Variants in NT5C2 observed in about 807,000 individuals in gnomAD.
The protein encoded by NT5C2 is cytosolic purine 5'-nucleotidase.
In NT5C2, 58 loss-of-function variants were observed where a neutral mutation model predicts 76.1. The observed-to-expected ratio is 0.76, with a 90% confidence interval of 0.62 to 0.95. The LOEUF is 0.95. NT5C2 is among the 40% of genes least tolerant of loss of function. The pLI, the probability that NT5C2 is intolerant of heterozygous loss-of-function variation, is 0.00. For missense variants in NT5C2, 478 were observed against 690.3 expected, an observed-to-expected ratio of 0.69 and a Z score of 3.45; for synonymous variants, 229 against 237.4, an observed-to-expected ratio of 0.96 and a Z score of 0.32.
chr10:103,170,132 AAATT>A (rs1210569064), intron 3 of NT5C2, among the ~76,000 whole-genome samples: 2 of 152,064 alleles, frequency 1.3e-5, no homozygotes, highest in African/African-American at 2.4e-5. Flanking sequence ...GTCTCAAAAA[AAATT>A]AATTAATTTA....
intron 4 of NT5C2, among the ~76,000 whole-genome samples, chr10:103,131,282 ACT>A (rs1269445933): frequency 1.3e-5 from 2 of 152,222 alleles, no homozygotes; most frequent in Non-Finnish European, 2.9e-5. Context: ...CACTCAAAAT[ACT>A]GTTTGCCAGA....
At chr10:103,095,911 C>A in intron 12 of NT5C2, 28 bp downstream of exon 12, 1 of 1,583,138 alleles carries the variant, frequency 6.3e-7, no homozygotes, top group Non-Finnish European at 8.7e-7. Context: ...GTTATTAAAG[C>A]AGTGGTCTAT....
intron 3 of NT5C2, among the ~76,000 whole-genome samples, chr10:103,155,160 T>C (rs1285967865): frequency 6.6e-6 from 1 of 152,166 alleles, no homozygotes; most frequent in Non-Finnish European, 1.5e-5. Context: ...TGGAAGTCCT[T>C]GATTTTAAGA....
intron 6 of NT5C2, among the ~76,000 whole-genome samples, chr10:103,105,180 A>G (rs2070894993): frequency 6.6e-6 from 1 of 152,226 alleles, no homozygotes; most frequent in Admixed American, 6.5e-5. Context: ...TGTTTAAAAT[A>G]TTATTAGCAC....
At chr10:103,183,262 G>GTTATATATATAT (rs769522226) in intron 1 of NT5C2, among the ~76,000 whole-genome samples, 1 of 73,344 alleles carries the variant, frequency 1.4e-5, no homozygotes, top group African/African-American at 6.5e-5. Flanking sequence ...GTGTGTGTGT[G>GTTATATATATAT]ATATATATAT....
At chr10:103,174,825 G>A (rs2089413953) in intron 3 of NT5C2, 33 bp downstream of exon 3, 1 of 1,352,140 alleles carries the variant, frequency 7.4e-7, no homozygotes, top group South Asian at 1.2e-5. Flanking sequence ...CTTCATAGAG[G>A]GGTTTTGAGG....
intron 4 of NT5C2, among the ~76,000 whole-genome samples, chr10:103,135,422 C>T (rs1231586293): frequency 6.6e-6 from 1 of 152,094 alleles, no homozygotes; most frequent in Non-Finnish European, 1.5e-5. Flanking sequence ...TGAGACATGC[C>T]TTTCACCTTC....
At chr10:103,090,475 G>A (rs754014684) in intron 18 of NT5C2, 136 bp downstream of exon 18, 2 of 689,670 alleles carry the variant, frequency 2.9e-6, no homozygotes, top group Non-Finnish European at 4.7e-6. Flanking sequence ...CCCTTCTTAT[G>A]CAACCATATA....
chr10:103,175,537 C>A (rs968336075), intron 2 of NT5C2: 1 of 182,966 alleles, frequency 5.5e-6, no homozygotes, highest in East Asian at 1.4e-4. Context: ...CTGGCTACCC[C>A]CCAGCAGACC....
At chr10:103,115,387 G>C (rs908036153) in intron 4 of NT5C2, among the ~76,000 whole-genome samples, 18 of 152,232 alleles carry the variant, frequency 1.2e-4, no homozygotes, top group African/African-American at 4.3e-4. Context: ...GGGTGACAGA[G>C]CAAGACTCCG....
At chr10:103,109,210 C>T (rs556382217) in intron 4 of NT5C2, among the ~76,000 whole-genome samples, 1 of 152,194 alleles carries the variant, frequency 6.6e-6, no homozygotes, top group East Asian at 1.9e-4. Flanking sequence ...GCCTCATCCT[C>T]TCCCATCCCC....
intron 3 of NT5C2, chr10:103,153,723 C>G: frequency 2.0e-6 from 2 of 985,208 alleles, no homozygotes; most frequent in Non-Finnish European, 2.4e-6. Context: ...CAGCCCTGGT[C>G]GGTCAAAATC....
At chr10:103,128,964 G>A (rs1313707761) in intron 4 of NT5C2, among the ~76,000 whole-genome samples, 1 of 109,040 alleles carries the variant, frequency 9.2e-6, no homozygotes, top group Non-Finnish European at 2.0e-5. Flanking sequence ...CACCCCGTCC[G>A]GGAGGGAGGT....
intron 18 of NT5C2, 96 bp downstream of exon 18, chr10:103,090,515 G>T: frequency 8.8e-7 from 1 of 1,142,610 alleles, no homozygotes. Flanking sequence ...ACATCAGAAA[G>T]AAATGTTCAA....
chr10:103,103,885 G>C (rs1234624698), intron 6 of NT5C2, among the ~76,000 whole-genome samples: 1 of 151,922 alleles, frequency 6.6e-6, no homozygotes. Context: ...ATAGGGTCTT[G>C]CTCTGTTACA....
intron 4 of NT5C2, among the ~76,000 whole-genome samples, chr10:103,117,087 C>A (rs2074528027): frequency 6.6e-6 from 1 of 151,876 alleles, no homozygotes; most frequent in South Asian, 2.1e-4. Context: ...TAAGGGACGA[C>A]ACCAAAGTAG....
At chr10:103,187,943 G>C (rs2092240431) in intron 1 of NT5C2, among the ~76,000 whole-genome samples, 1 of 152,098 alleles carries the variant, frequency 6.6e-6, no homozygotes, top group African/African-American at 2.4e-5. Flanking sequence ...ACAATATTCT[G>C]ACCCAAAATC....
intron 4 of NT5C2, among the ~76,000 whole-genome samples, chr10:103,116,587 C>CTT (rs11451961): frequency 0.025 from 3,144 of 126,150 alleles, 141 homozygotes; most frequent in African/African-American, 0.082. Flanking sequence ...TTTTTTTTTT[C>CTT]TTTTTTTTTT....
chr10:103,192,882 G>C (rs2092747021), intron 1 of NT5C2, among the ~76,000 whole-genome samples: 1 of 152,208 alleles, frequency 6.6e-6, no homozygotes, highest in Non-Finnish European at 1.5e-5. Flanking sequence ...GAAGAGGGCG[G>C]AACGCGGCGA....
Sources: gnomAD v4.1 joint callset for allele counts (sites outside exome capture counted in the v4.1 genomes callset) on GRCh38, gnomAD v4.1.1 for gene constraint, MANE v1.5 for transcripts, NCBI Gene and HGNC (gene_info 2026-07-23, HGNC 2026-07-21) for gene names.